The following SHC2 variants were observed in gnomAD, a reference collection of about 807,000 sequenced individuals.
SHC2 encodes SHC adaptor protein 2.
SHC2 carries 62 observed loss-of-function variants against 60.6 expected under a neutral mutation model. That is an observed-to-expected ratio of 1.02 (90% CI 0.83 to 1.26). The LOEUF (loss-of-function observed/expected upper bound fraction) is 1.26, where lower values mean the gene tolerates loss of function less well. SHC2 is among the 50% of genes most tolerant of loss of function. SHC2 has a pLI of 0.00. For missense variants in SHC2, 873 were observed against 822.2 expected, an observed-to-expected ratio of 1.06 and a Z score of -0.76; for synonymous variants, 375 against 372.4, an observed-to-expected ratio of 1.01 and a Z score of -0.08.
At position 438,937 on chromosome 19, in the gene SHC2, C is replaced by A. The variant is rs746959399; in HGVS notation, c.600+33G>T. 2 of 1,581,106 alleles carry A rather than the reference C, an allele frequency of 1.3e-6. No homozygotes were observed. Among genetic ancestry groups the A allele is most frequent in the Admixed American group, 1.8e-5 (1 of 55,946 alleles). On this transcript the variant is annotated intron_variant, in intron 3 of 12. Transcript: ENST00000264554. The surrounding 1 kb of genome is among the most constrained non-coding windows in gnomAD (Gnocchi z 5.0). The stretch of plus-strand genomic sequence containing the variant: ...GTCCCCACAGCCCCCGACTGCCCCA[C>A]CAGCCCCACGAGAGACCACAAGCCT...
chr19:435,345 G>A (rs1226313867), intron 7 of SHC2, among the ~76,000 whole-genome samples: 2 of 152,238 alleles, frequency 1.3e-5, no homozygotes, highest in East Asian at 3.8e-4. Context: ...GTCGCTGCTG[G>A]GATAAATTAT....
At chr19:430,590 G>A (rs1439039269) in intron 9 of SHC2, 94 bp downstream of exon 9, 1 of 922,446 alleles carries the variant, frequency 1.1e-6, no homozygotes, top group African/African-American at 1.7e-5. Flanking sequence ...GAAATAAGCA[G>A]AGAGGAGAAA....
chr19:444,920 C>T lies in SHC2; in HGVS notation c.469-3988G>A, dbSNP rs768620881. On this transcript the variant is annotated intron_variant, in intron 1 of 12. Coordinates refer to ENST00000264554, the MANE Select transcript of SHC2 (RefSeq NM_012435.3). ...GCAATGGCCCCTCGGGAAACAGGCC[C>T]GGGTGGGAGGGTGACTGACCTCCTG... 3.3e-5 allele frequency among the ~76,000 whole-genome samples: 5 copies of T among 152,292 alleles called. No homozygotes were observed. In the East Asian group the frequency reaches 5.8e-4, roughly 18 times the overall value.
At chr19:460,065 G>C (rs1975502062) in intron 1 of SHC2, among the ~76,000 whole-genome samples, 1 of 152,232 alleles carries the variant, frequency 6.6e-6, no homozygotes, top group African/African-American at 2.4e-5. Context: ...CGCCCTGGAA[G>C]TCCCTGCTGC....
rs1050664355 is a variant in SHC2, at chr19:453,402, C to T, written c.468+7127G>A. ...CTCCTGCCTCAGTCTCCCACATAGC[C>T]GGGACCACAGGTGTGCACCACCCTG... On this transcript the variant is annotated intron_variant, in intron 1 of 12. Coordinates refer to ENST00000264554, the MANE Select transcript of SHC2 (RefSeq NM_012435.3). The surrounding 1 kb of genome is among the most constrained non-coding windows in gnomAD (Gnocchi z 6.3). Among the ~76,000 whole-genome samples the T allele has an allele frequency of 3.9e-5, 6 of 152,202 alleles. No individual in the cohort carries two copies. The highest frequency in any genetic ancestry group is 2.1e-4 in the South Asian group (1 of 4,814).
At chr19:429,297 T>C (rs1288882894) in intron 9 of SHC2, among the ~76,000 whole-genome samples, 1 of 145,204 alleles carries the variant, frequency 6.9e-6, no homozygotes, top group Non-Finnish European at 1.5e-5. Flanking sequence ...GCAGTACCTA[T>C]ACCCAACATG....
chr19:447,348 C>T (rs1470964431), intron 1 of SHC2, among the ~76,000 whole-genome samples: 1 of 152,254 alleles, frequency 6.6e-6, no homozygotes, highest in Non-Finnish European at 1.5e-5. Flanking sequence ...CGATAAGTTT[C>T]CATTTTGCCT....
At chr19:451,335 G>A (rs140272823) in intron 1 of SHC2, among the ~76,000 whole-genome samples, 5,009 of 149,980 alleles carry the variant, frequency 0.033, 267 homozygotes, top group African/African-American at 0.11. Flanking sequence ...GGATGGCCAC[G>A]CCGTGGCTGT....
intron 1 of SHC2, among the ~76,000 whole-genome samples, chr19:456,771 C>T (rs1256086504): frequency 2.8e-5 from 4 of 145,088 alleles, no homozygotes; most frequent in African/African-American, 4.9e-5. Flanking sequence ...TGCTGTGCCC[C>T]GTCTAGAACT....
Position 446,932 on chromosome 19 carries a change from G to A in SHC2, c.469-6000C>T, listed in dbSNP as rs552653329. ...GGAGACCGTCCGAGTCTCCGCCACC[G>A]CCCACGCCAGCCACCGGGACCCACC... is the stretch of plus-strand genomic sequence containing the variant. On this transcript the variant is annotated intron_variant, in intron 1 of 12. Transcript: ENST00000264554. The surrounding 1 kb of genome is among the most constrained non-coding windows in gnomAD (Gnocchi z 5.4). Among the ~76,000 whole-genome samples, 5 of 152,122 alleles carry A rather than the reference G, an allele frequency of 3.3e-5. No individual in the cohort carries two copies. The East Asian group carries it at 5.8e-4, about 18-fold the overall frequency.
chr19:460,952 C>T lies in SHC2; in HGVS notation c.45G>A (p.Ala15=). 1.0e-6 allele frequency: 1 copy of T among 984,574 alleles called. No homozygotes were observed. Among genetic ancestry groups the T allele is most frequent in the Non-Finnish European group, 1.2e-6 (1 of 830,424 alleles). The allele number at this position is 984,574 out of a possible 1,614,324, so 61.0% of individuals were successfully genotyped here. A position where few individuals can be genotyped will look rare whatever the true frequency, so the allele number is the denominator to read the frequency against. The change falls in exon 1 of 13, where the codon GCG becomes GCA. Residue 15 remains alanine (A), a synonymous_variant. Transcript: ENST00000264554. ...PGGRAPPAPP[A]PPEPEAPTTF... is the part of the protein sequence containing the mutation. ...TGGTGGGCGCCTCGGGCTCGGGGGG[C>T]GCGGGGGGCGCCGGGGGCGCGCGCC...
chr19:440,730 T>TG lies in SHC2; in HGVS notation c.539+131dup. On this transcript the variant is annotated intron_variant, in intron 2 of 12. Coordinates refer to ENST00000264554, the MANE Select transcript of SHC2 (RefSeq NM_012435.3). The surrounding 1 kb of genome is among the most constrained non-coding windows in gnomAD (Gnocchi z 7.0). Reference sequence around the variant, plus strand: ...GACGTGGCGTGAAGTGGGAGGGAGGTGGGGGGCACCGAGGCTGCGTCCTGG... The same window carrying TG: ...GACGTGGCGTGAAGTGGGAGGGAGGTGGGGGGGCACCGAGGCTGCGTCCTGG... 4.0e-6 allele frequency: 3 copies of TG among 741,610 alleles called. No individual in the cohort carries two copies. The highest frequency in any genetic ancestry group is 7.0e-6 in the Non-Finnish European group (3 of 426,912). The allele number at this position is 741,610 out of a possible 1,614,324, so 45.9% of individuals were successfully genotyped here.
At chr19:420,421 G>A (rs956415166) in intron 11 of SHC2, among the ~76,000 whole-genome samples, 3 of 152,202 alleles carry the variant, frequency 2.0e-5, no homozygotes, top group Admixed American at 6.5e-5. Context: ...CGCCTCCTAC[G>A]CTCTGAGAGG....
At chr19:434,405 TGTGA>T (rs763686510) in intron 8 of SHC2, among the ~76,000 whole-genome samples, 44 of 93,484 alleles carry the variant, frequency 4.7e-4, no homozygotes, top group Middle Eastern at 7.4e-3. Flanking sequence ...ATCGTGAGTC[TGTGA>T]GTGAGATAGT....
chr19:419,058 T>C lies in SHC2; in HGVS notation c.1621-2A>G. ...AAACAGCACGTCCTTCGTCCGTACC[T>C]GCGGGACAGAGACCTCGGCATCAGC... On this transcript the variant is annotated splice_acceptor_variant, in intron 11 of 12. Coordinates refer to ENST00000264554, the MANE Select transcript of SHC2 (RefSeq NM_012435.3). LOFTEE classifies it high-confidence loss of function. The C allele has an allele frequency of 1.9e-6, 3 of 1,576,438 alleles. No individual in the cohort carries two copies. Among genetic ancestry groups the C allele is most frequent in the Non-Finnish European group, 2.6e-6 (3 of 1,159,756 alleles).
chr19:421,349 G>C (rs928734382), intron 11 of SHC2, among the ~76,000 whole-genome samples: 3 of 148,344 alleles, frequency 2.0e-5, no homozygotes, highest in African/African-American at 7.5e-5. Context: ...GCAGTGAGCC[G>C]AGATTGCGCC....
rs1441599906 is a variant in SHC2 at position 445,687 on chromosome 19, G to C, written c.469-4755C>G. On this transcript the variant is annotated intron_variant, in intron 1 of 12. Transcript: ENST00000264554. The surrounding 1 kb of genome is among the most constrained non-coding windows in gnomAD (Gnocchi z 4.4). ...CAGGAGGTTGAGGCTGCAGTGATCT[G>C]TGATGGCACCACGGCACTCCAGCCT... Among the ~76,000 whole-genome samples the C allele has an allele frequency of 1.3e-5, 2 of 152,006 alleles. No homozygotes were observed. Among genetic ancestry groups the C allele is most frequent in the Non-Finnish European group, 2.9e-5 (2 of 68,002 alleles).
chr19:429,973 G>GCAGT (rs1974532672), intron 9 of SHC2, among the ~76,000 whole-genome samples: 1 of 141,430 alleles, frequency 7.1e-6, no homozygotes, highest in Non-Finnish European at 1.5e-5. Flanking sequence ...TGTGGATGAC[G>GCAGT]CAGTACCTAT....
Position 434,847 on chromosome 19 carries a change from C to A in SHC2, c.972G>T (p.Glu324Asp), listed in dbSNP as rs181195302. ...AGTCCTCCTCGTCCCCCCAGGCCGA[C>A]TCCTCCGGCCCTGCCAGCCTGGGGG... The part of the protein sequence containing the change: ...LPPERLAGPE[E>D]SAWGDEEDSL... Residue 324 changes from glutamate (E) to aspartate (D), a missense_variant, in exon 8 of 13, where the codon GAG (glutamate) becomes GAT (aspartate). Glu to Asp is a conservative substitution (Grantham distance 45). Transcript: ENST00000264554. The A allele has an allele frequency of 1.3e-4, 205 of 1,611,348 alleles. 1 individual carries two copies. In the African/African-American group the frequency reaches 2.5e-3, roughly 19 times the overall value.
Sources: gnomAD v4.1 joint callset for allele counts (sites outside exome capture counted in the v4.1 genomes callset) on GRCh38, gnomAD v4.1.1 for gene constraint, Gnocchi (gnomAD v3.1) non-coding constraint, MANE v1.5 for transcripts, NCBI Gene and HGNC (gene_info 2026-07-23, HGNC 2026-07-21) for gene names.